The following ERC2 variants were observed in gnomAD, a reference collection of about 807,000 sequenced individuals.
ERC2 encodes the protein ERC protein 2.
In ERC2, 42 loss-of-function variants were observed where a neutral mutation model predicts 114.8. The ratio of observed to expected loss-of-function variants is 0.37; its 90% CI spans 0.29 to 0.47. The LOEUF is 0.47. ERC2 is among the 20% of genes least tolerant of loss of function. The probability of loss-of-function intolerance (pLI) is 0.99; values close to 1 mark genes in which losing one functional copy is unlikely to be tolerated. For missense variants in ERC2, 939 were observed against 1,150.7 expected, an observed-to-expected ratio of 0.82 and a Z score of 2.66; for synonymous variants, 454 against 425.5, an observed-to-expected ratio of 1.07 and a Z score of -0.82.
chr3:55,600,236 A>G (rs759488392), intron 17 of ERC2, among the ~76,000 whole-genome samples: 15 of 152,358 alleles, frequency 9.8e-5, no homozygotes, highest in Non-Finnish European at 1.8e-4. Flanking sequence ...AAAACTAAGA[A>G]AGGGAGCAAT....
chr3:56,442,600 G>T (rs144434545), intron 1 of ERC2, among the ~76,000 whole-genome samples: 9 of 152,238 alleles, frequency 5.9e-5, no homozygotes, highest in African/African-American at 2.2e-4. Context: ...TCTGACAAAT[G>T]TTCAGATAAA....
chr3:56,103,341 G>C (rs2078463576), intron 6 of ERC2, among the ~76,000 whole-genome samples: 1 of 152,144 alleles, frequency 6.6e-6, no homozygotes, highest in Admixed American at 6.5e-5. Flanking sequence ...TATCTTGATG[G>C]CAATAGGAAG....
At chr3:56,081,108 G>A (rs912318659) in intron 6 of ERC2, 124 bp from the exon 7 acceptor site, 43 of 962,886 alleles carry the variant, frequency 4.5e-5, no homozygotes, top group Middle Eastern at 4.9e-4. Flanking sequence ...TGGAACCACT[G>A]CTCATGGCAC....
At chr3:56,234,103 C>T (rs1464577421) in intron 3 of ERC2, among the ~76,000 whole-genome samples, 1 of 152,170 alleles carries the variant, frequency 6.6e-6, no homozygotes, top group African/African-American at 2.4e-5. Flanking sequence ...TCTTTCCTTA[C>T]AGGAATCCTA....
intron 3 of ERC2, among the ~76,000 whole-genome samples, chr3:56,278,586 G>A (rs1237577372): frequency 6.6e-6 from 1 of 152,182 alleles, no homozygotes; most frequent in Non-Finnish European, 1.5e-5. Flanking sequence ...CCATATTTGT[G>A]TTGCTATCAA....
chr3:55,891,566 C>G (rs1389008080), intron 13 of ERC2, among the ~76,000 whole-genome samples: 1 of 151,026 alleles, frequency 6.6e-6, no homozygotes, highest in African/African-American at 2.4e-5. Flanking sequence ...CCTGCCTCAG[C>G]CTCCTGAGTA....
At chr3:55,570,630 G>A (rs1281523105) in intron 17 of ERC2, among the ~76,000 whole-genome samples, 1 of 152,144 alleles carries the variant, frequency 6.6e-6, no homozygotes, top group Non-Finnish European at 1.5e-5. Flanking sequence ...GGGAAGAACA[G>A]ATGGTCTGTG....
intron 2 of ERC2, among the ~76,000 whole-genome samples, chr3:56,426,785 G>C (rs75534510): frequency 6.6e-6 from 1 of 152,070 alleles, no homozygotes; most frequent in Non-Finnish European, 1.5e-5. Context: ...AGAGATAAAC[G>C]CTTGTCTTTT....
intron 14 of ERC2, among the ~76,000 whole-genome samples, chr3:55,812,163 C>A (rs1266719027): frequency 6.6e-6 from 1 of 152,200 alleles, no homozygotes; most frequent in African/African-American, 2.4e-5. Flanking sequence ...TTGCCTATTT[C>A]TTTATCTGAA....
chr3:56,115,141 T>C (rs2079156436), intron 6 of ERC2, among the ~76,000 whole-genome samples: 1 of 152,178 alleles, frequency 6.6e-6, no homozygotes, highest in African/African-American at 2.4e-5. Flanking sequence ...GGAATTGACT[T>C]CCAGTCTCCC....
intron 17 of ERC2, among the ~76,000 whole-genome samples, chr3:55,512,115 A>G (rs1042522934): frequency 1.3e-5 from 2 of 152,196 alleles, no homozygotes; most frequent in Non-Finnish European, 2.9e-5. Flanking sequence ...CACCTTGTAT[A>G]TATATCCTGA....
intron 17 of ERC2, among the ~76,000 whole-genome samples, chr3:55,535,606 A>C (rs955963006): frequency 6.6e-6 from 1 of 152,222 alleles, no homozygotes; most frequent in African/African-American, 2.4e-5. Flanking sequence ...GCTCACACCC[A>C]TGAATGGGGC....
At chr3:56,402,992 C>A (rs559975642) in intron 2 of ERC2, among the ~76,000 whole-genome samples, 1 of 152,226 alleles carries the variant, frequency 6.6e-6, no homozygotes, top group Non-Finnish European at 1.5e-5. Flanking sequence ...TGGCGCTCCT[C>A]CCAACTGTGG....
chr3:56,281,430 C>G (rs1294958596), intron 3 of ERC2, among the ~76,000 whole-genome samples: 2 of 43,234 alleles, frequency 4.6e-5, no homozygotes, highest in Admixed American at 3.0e-4. Flanking sequence ...GAGCAAGACT[C>G]CGTCTCAAAA....
chr3:55,610,064 C>CAAAAAAAAA (rs36088271), intron 17 of ERC2, among the ~76,000 whole-genome samples: 4 of 118,764 alleles, frequency 3.4e-5, no homozygotes, highest in Admixed American at 9.0e-5. Flanking sequence ...CAAACACAAA[C>CAAAAAAAAA]AAAAAAAAAA....
intron 6 of ERC2, among the ~76,000 whole-genome samples, chr3:56,126,807 G>GGGAAGGAAAGGA (rs2079893550): frequency 1.9e-5 from 2 of 107,484 alleles, no homozygotes; most frequent in Admixed American, 1.1e-4. Context: ...AAAGGAAAGG[G>GGGAAGGAAAGGA]AAGGAAAGGA....
intron 14 of ERC2, among the ~76,000 whole-genome samples, chr3:55,852,819 A>G (rs896672019): frequency 3.9e-5 from 6 of 152,164 alleles, no homozygotes; most frequent in African/African-American, 1.4e-4. Flanking sequence ...TACATACTGC[A>G]TTTTTCTCCA....
At chr3:55,607,764 G>C (rs2058708458) in intron 17 of ERC2, 1 of 152,110 alleles carries the variant, frequency 6.6e-6, no homozygotes, top group Non-Finnish European at 1.5e-5. Context: ...TGTTGAAACA[G>C]ACAAGAAGGT....
At chr3:56,007,156 A>AT in intron 10 of ERC2, 25 bp downstream of exon 10, 2 of 1,530,156 alleles carry the variant, frequency 1.3e-6, no homozygotes, top group African/African-American at 2.8e-5. Context: ...AATAAGCATG[A>AT]TTCTTTTTCT....
Sources: gnomAD v4.1 joint callset for allele counts (sites outside exome capture counted in the v4.1 genomes callset) on GRCh38, gnomAD v4.1.1 for gene constraint, MANE v1.5 for transcripts, NCBI Gene and HGNC (gene_info 2026-07-23, HGNC 2026-07-21) for gene names.